Variants in CDK14 observed in about 807,000 individuals in gnomAD.
The protein encoded by CDK14 is cyclin dependent kinase 14, also known as cyclin-dependent kinase 14.
CDK14 carries 34 observed loss-of-function variants against 60.7 expected under a neutral mutation model. That is an observed-to-expected ratio of 0.56 (90% CI 0.43 to 0.75). The LOEUF (loss-of-function observed/expected upper bound fraction) is 0.75, where lower values mean the gene tolerates loss of function less well. Among genes scored for constraint, CDK14 ranks in the 30% least tolerant of loss-of-function variants. The pLI, the probability that CDK14 is intolerant of heterozygous loss-of-function variation, is 0.00. For missense variants in CDK14, 482 were observed against 564.1 expected (o/e 0.85, Z 1.47); for synonymous variants, 197 against 203.7 (o/e 0.97, Z 0.28).
At chr7:90,602,015 C>T (rs17869593) in intron 1 of CDK14, among the ~76,000 whole-genome samples, 4,763 of 152,104 alleles carry the variant, frequency 0.031, 219 homozygotes, top group East Asian at 0.18. Context: ...CCCTGTTGCC[C>T]AGGCTGGTCT....
At chr7:90,900,482 C>A (rs962724315) in intron 7 of CDK14, among the ~76,000 whole-genome samples, 2 of 152,028 alleles carry the variant, frequency 1.3e-5, no homozygotes, top group Admixed American at 1.3e-4. Context: ...ATGTTCAATT[C>A]CAACTCTAAA....
chr7:90,931,372 G>A (rs1454007193), intron 8 of CDK14, among the ~76,000 whole-genome samples: 1 of 152,212 alleles, frequency 6.6e-6, no homozygotes, highest in Non-Finnish European at 1.5e-5. Flanking sequence ...GTGCAAGTTG[G>A]CCCTTTCATT....
intron 2 of CDK14, among the ~76,000 whole-genome samples, chr7:90,617,671 C>T (rs1428951013): frequency 1.3e-5 from 2 of 152,094 alleles, no homozygotes; most frequent in African/African-American, 4.8e-5. Context: ...CTGAATTACT[C>T]TTTAGGTTTT....
chr7:91,201,963 C>G (rs527931775), intron 14 of CDK14, among the ~76,000 whole-genome samples: 1 of 152,314 alleles, frequency 6.6e-6, no homozygotes, highest in Non-Finnish European at 1.5e-5. Flanking sequence ...AGTACTCTCT[C>G]TAATTAGTCT....
At chr7:90,808,242 G>A (rs1334272996) in intron 5 of CDK14, among the ~76,000 whole-genome samples, 1 of 152,220 alleles carries the variant, frequency 6.6e-6, no homozygotes, top group African/African-American at 2.4e-5. Flanking sequence ...ACAAAGGGAA[G>A]CCCATCAGAC....
chr7:90,831,663 G>A (rs1440813364), intron 5 of CDK14, among the ~76,000 whole-genome samples: 2 of 150,648 alleles, frequency 1.3e-5, no homozygotes, highest in East Asian at 4.0e-4. Flanking sequence ...TCTTGCTTGG[G>A]CTCTATTGTT....
intron 7 of CDK14, among the ~76,000 whole-genome samples, chr7:90,900,540 A>G (rs1792474795): frequency 6.6e-6 from 1 of 152,178 alleles, no homozygotes; most frequent in African/African-American, 2.4e-5. Context: ...TAAAATCTCA[A>G]ATTCTCTCAT....
intron 2 of CDK14, among the ~76,000 whole-genome samples, chr7:90,613,595 G>A (rs1009551147): frequency 6.6e-6 from 1 of 152,138 alleles, no homozygotes; most frequent in Non-Finnish European, 1.5e-5. Flanking sequence ...GCCGAGGCAA[G>A]AGAATTGCTT....
rs1297040160 is a variant in CDK14 at position 90,696,340 on chromosome 7, T to TC, written c.124-30227_124-30226insC. Among the ~76,000 whole-genome samples the TC allele has an allele frequency of 1.9e-3, 267 of 141,458 alleles. 2 individuals carry two copies. Among genetic ancestry groups the TC allele is most frequent in the South Asian group, 8.4e-3 (37 of 4,384 alleles). The allele number at this position is 141,458 out of a possible 152,430, so 92.8% of individuals were successfully genotyped here. A position where few individuals can be genotyped will look rare whatever the true frequency, so the allele number is the denominator to read the frequency against. ...TTTGGTTTTGTACTTCTTCTTCTTT[T>TC]TTTTTTTTTTTTTTTTTTGAGACAG... On this transcript the variant is annotated intron_variant, in intron 2 of 14. Coordinates refer to ENST00000380050, the MANE Select transcript of CDK14 (RefSeq NM_001287135.2).
At chr7:90,783,552 TCAAA>T (rs1034189973) in intron 4 of CDK14, among the ~76,000 whole-genome samples, 1 of 151,898 alleles carries the variant, frequency 6.6e-6, no homozygotes, top group Non-Finnish European at 1.5e-5. Context: ...CATAAGGAAC[TCAAA>T]CAAATAGCAA....
intron 5 of CDK14, among the ~76,000 whole-genome samples, chr7:90,850,846 G>A (rs960329132): frequency 3.9e-5 from 6 of 152,158 alleles, no homozygotes; most frequent in East Asian, 1.9e-4. Context: ...GATTTGAGCA[G>A]CAGTTTCCTC....
chr7:90,703,605 G>T (rs1011089853), intron 2 of CDK14, among the ~76,000 whole-genome samples: 14 of 152,154 alleles, frequency 9.2e-5, no homozygotes, highest in African/African-American at 3.4e-4. Flanking sequence ...GTTTGTAATT[G>T]AATTAATGAG....
In CDK14 at chr7:90,622,765, C is replaced by T. The variant is rs537474957; in HGVS notation, c.123+18516C>T. Among the ~76,000 whole-genome samples the T allele has an allele frequency of 2.6e-5, 4 of 152,222 alleles. No individual in the cohort carries two copies. The South Asian group carries it at 8.3e-4, about 32-fold the overall frequency. On this transcript the variant is annotated intron_variant, in intron 2 of 14. Coordinates refer to ENST00000380050, the MANE Select transcript of CDK14 (RefSeq NM_001287135.2). ...ACCCTGACTGTGTTTTTACTGAAAGCTCTTCCTGTCATTCTGGGTAGTTTA... is the reference window on the plus strand; with the variant it reads ...ACCCTGACTGTGTTTTTACTGAAAGTTCTTCCTGTCATTCTGGGTAGTTTA...
At chr7:90,872,218 T>A (rs1329589643) in intron 6 of CDK14, among the ~76,000 whole-genome samples, 1 of 152,182 alleles carries the variant, frequency 6.6e-6, no homozygotes, top group East Asian at 1.9e-4. Flanking sequence ...AGAACATATT[T>A]GTGTTTTAGT....
chr7:90,930,465 TG>T (rs1399389960), intron 8 of CDK14, among the ~76,000 whole-genome samples: 1 of 149,910 alleles, frequency 6.7e-6, no homozygotes, highest in Non-Finnish European at 1.5e-5. Flanking sequence ...GACATGTCTG[TG>T]GTCTGCCTTG....
rs1478977870 is a variant in CDK14, at chr7:90,808,395, C to T, written c.544+17743C>T. On this transcript the variant is annotated intron_variant, in intron 5 of 14. Coordinates refer to ENST00000380050, the MANE Select transcript of CDK14 (RefSeq NM_001287135.2). ...TCATAAGTAAAGGAGAAATAAAATA[C>T]TTTACAGAAAGGCAAATGCTGAGAG... Among the ~76,000 whole-genome samples, 4 of 152,282 alleles carry T rather than the reference C, an allele frequency of 2.6e-5. No homozygotes were observed. In the East Asian group the frequency reaches 5.8e-4, roughly 22 times the overall value.
chr7:90,937,384 A>C (rs1216919248), intron 8 of CDK14, among the ~76,000 whole-genome samples: 1 of 152,180 alleles, frequency 6.6e-6, no homozygotes, highest in Non-Finnish European at 1.5e-5. Context: ...TGCCAATTAC[A>C]ATTTGATGAA....
chr7:90,639,554 C>T (rs571660140), intron 2 of CDK14, among the ~76,000 whole-genome samples: 3 of 151,946 alleles, frequency 2.0e-5, no homozygotes, highest in African/African-American at 7.3e-5. Context: ...GTGTGCCTCC[C>T]AGTTAGGCTG....
chr7:90,797,043 G>A (rs924296404), intron 5 of CDK14, among the ~76,000 whole-genome samples: 5 of 151,576 alleles, frequency 3.3e-5, no homozygotes, highest in African/African-American at 1.2e-4. Context: ...TTACTGAATC[G>A]ACATACACAG....
Sources: gnomAD v4.1 joint callset for allele counts (sites outside exome capture counted in the v4.1 genomes callset) on GRCh38, gnomAD v4.1.1 for gene constraint, MANE v1.5 for transcripts, NCBI Gene and HGNC (gene_info 2026-07-23, HGNC 2026-07-21) for gene names.